Variants in KIAA1210 observed in about 807,000 individuals in gnomAD.
The protein encoded by KIAA1210 is acrosomal protein KIAA1210.
In KIAA1210, 48 loss-of-function variants were observed where a neutral mutation model predicts 78.9. That is an observed-to-expected ratio of 0.61 (90% CI 0.48 to 0.77). The LOEUF is 0.77. Ranked by LOEUF, KIAA1210 falls within the 30% of genes least tolerant of loss-of-function variation. The probability of loss-of-function intolerance (pLI) is 0.00; values close to 1 mark genes in which losing one functional copy is unlikely to be tolerated. For missense variants in KIAA1210, 1,108 were observed against 1,100.0 expected (o/e 1.01, Z -0.10); for synonymous variants, 406 against 404.5 (o/e 1.00, Z -0.04).
intron 1 of KIAA1210, among the ~76,000 whole-genome samples, chrX:119,149,067 A>T (rs961128290): frequency 9.4e-6 from 1 of 106,877 alleles, no homozygotes; most frequent in African/African-American, 3.4e-5. Context: ...AGAGTGCCCA[A>T]GGTTTACGGG....
chrX:119,120,918 C>T (rs1928435309), intron 2 of KIAA1210, among the ~76,000 whole-genome samples: 1 of 111,143 alleles, frequency 9.0e-6, no homozygotes, highest in Admixed American at 9.6e-5. Flanking sequence ...AAGCTGGATA[C>T]GGCCTTTGTG....
chrX:119,088,881 T>C lies in KIAA1210; in HGVS notation c.1821A>G (p.Ser607=), dbSNP rs773988862. 1.7e-6 allele frequency: 2 copies of C among 1,211,137 alleles called. No individual in the cohort carries two copies. The highest frequency in any genetic ancestry group is 2.2e-6 in the Non-Finnish European group (2 of 895,228). ...CATCCCCCTCCTCAGGAATATTCTC[T>C]GAATCTGAGGAGACTTCTTCAGCAT... ...KPDAEEVSSD[S]ENIPEEGDGS... is the part of the protein sequence containing the mutation. Residue 607 remains serine (S), a synonymous_variant, in exon 9 of 12, where the codon TCA becomes TCG. Transcript: ENST00000691062.
intron 2 of KIAA1210, among the ~76,000 whole-genome samples, chrX:119,119,652 C>A (rs1009379097): frequency 2.7e-5 from 3 of 111,364 alleles, no homozygotes; most frequent in Non-Finnish European, 3.8e-5. Context: ...CGAGACCAGC[C>A]TGATCAACAT....
At chrX:119,112,187 T>C (rs895405644) in intron 3 of KIAA1210, among the ~76,000 whole-genome samples, 3 of 111,972 alleles carry the variant, frequency 2.7e-5, no homozygotes, top group Non-Finnish European at 3.8e-5. Flanking sequence ...GTGAGTCAAT[T>C]AAACCTCTTT....
chrX:119,099,492 C>T (rs751960480), intron 6 of KIAA1210, among the ~76,000 whole-genome samples: 18 of 112,463 alleles, frequency 1.6e-4, no homozygotes, highest in Admixed American at 5.6e-4. Context: ...AAGAGCAAAA[C>T]GATCAAGCAT....
At chrX:119,136,486 G>A (rs752037554) in intron 2 of KIAA1210, among the ~76,000 whole-genome samples, 86 of 111,308 alleles carry the variant, frequency 7.7e-4, no homozygotes, top group Non-Finnish European at 1.5e-3. Context: ...GCATAAGGAG[G>A]GGTGATGCTG....
In KIAA1210 at chrX:119,116,656, T is replaced by G. The variant is rs1357859073; in HGVS notation, c.70A>C (p.Lys24Gln). The G allele has an allele frequency of 1.7e-6, 2 of 1,199,822 alleles. No homozygotes were observed. Among genetic ancestry groups the G allele is most frequent in the South Asian group, 3.6e-5 (2 of 55,112 alleles). ...VLEAGDEGKK[K>Q]CKFKALKSFF... ...CTCTTAAGGGCTTTAAATTTGCATT[T>G]CTTCTTTCCTGGAAGTGAAAAATGA... The change falls in exon 3 of 12, where the codon AAA becomes CAA. Residue 24 changes from lysine to glutamine, a missense_variant. This residue lies in a region of KIAA1210 where 672 missense variants were observed against 607.1 expected (regional missense o/e 1.11). Coordinates refer to ENST00000691062, the MANE Select transcript of KIAA1210 (RefSeq NM_001394962.1).
chrX:119,090,404 T>A (rs1569313545), intron 8 of KIAA1210, among the ~76,000 whole-genome samples: 1 of 110,834 alleles, frequency 9.0e-6, no homozygotes, highest in Non-Finnish European at 1.9e-5. Context: ...CCTGAGTAGC[T>A]GGGATTACAG....
Position 119,086,203 on chromosome X carries a change from T to C in KIAA1210, c.4156+343A>G, listed in dbSNP as rs747682720. On this transcript the variant is annotated intron_variant, in intron 9 of 11. Transcript: ENST00000691062. The stretch of plus-strand genomic sequence containing the variant: ...CACATGGTGTTAGGGAGGGGCTTAA[T>C]ACATGTAAAAGTATTTTGAGAAAAG... Among the ~76,000 whole-genome samples, 5 of 112,081 alleles carry C rather than the reference T, an allele frequency of 4.5e-5. No homozygotes were observed. In the South Asian group the frequency reaches 1.9e-3, roughly 42 times the overall value.
chrX:119,123,256 A>C (rs1181683739), intron 2 of KIAA1210, among the ~76,000 whole-genome samples: 2 of 112,157 alleles, frequency 1.8e-5, no homozygotes, highest in East Asian at 5.5e-4. Context: ...TCTCTTTCTT[A>C]GATCTGAATT....
In KIAA1210 at chrX:119,096,668, TC is replaced by T; in HGVS notation, c.671del (p.Gly224AspfsTer8). ...CAGTCAAGGACTGTGAGCAATCAGG[TC>T]CAGATGATAACTCAGAGAAGCTCTG... ...ATQSFSELSS[G>X]PDCSQSLTAF... On this transcript the variant is annotated frameshift_variant, in exon 7 of 12. Coordinates refer to ENST00000691062, the MANE Select transcript of KIAA1210 (RefSeq NM_001394962.1). LOFTEE classifies it high-confidence loss of function. 1 of 1,205,345 alleles carries T rather than the reference TC, an allele frequency of 8.3e-7. No individual in the cohort carries two copies. Among genetic ancestry groups the T allele is most frequent in the Non-Finnish European group, 1.1e-6 (1 of 891,834 alleles).
chrX:119,139,981 G>A (rs181442546), intron 2 of KIAA1210, among the ~76,000 whole-genome samples: 5 of 111,574 alleles, frequency 4.5e-5, no homozygotes, highest in African/African-American at 1.6e-4. Flanking sequence ...AGGAGTAAGG[G>A]GTTGAACTAG....
intron 2 of KIAA1210, among the ~76,000 whole-genome samples, chrX:119,144,941 A>G (rs1929132863): frequency 8.9e-6 from 1 of 112,001 alleles, no homozygotes; most frequent in Admixed American, 9.4e-5. Flanking sequence ...CCACTAGACC[A>G]TAGTGCCTCT....
At chrX:119,110,183 A>T (rs1928026200) in intron 3 of KIAA1210, among the ~76,000 whole-genome samples, 1 of 112,395 alleles carries the variant, frequency 8.9e-6, no homozygotes, top group Admixed American at 9.4e-5. Flanking sequence ...ACAAAGTAGG[A>T]TTTACAAGGA....
At chrX:119,119,975 C>CAAAAA (rs11342308) in intron 2 of KIAA1210, among the ~76,000 whole-genome samples, 4 of 35,737 alleles carry the variant, frequency 1.1e-4, no homozygotes, top group African/African-American at 1.6e-4. Context: ...GACTCCATCT[C>CAAAAA]AAAAAAAAAA....
At chrX:119,138,469 T>TCC (rs1928973987) in intron 2 of KIAA1210, among the ~76,000 whole-genome samples, 2 of 111,181 alleles carry the variant, frequency 1.8e-5, no homozygotes, top group South Asian at 7.6e-4. Flanking sequence ...TCTGTCCGCC[T>TCC]TGGCCTCCAA....
At position 119,093,791 on chromosome X, in the gene KIAA1210, A is replaced by G; in HGVS notation, c.847-16T>C. On this transcript the variant is annotated splice_polypyrimidine_tract_variant and intron_variant, in intron 7 of 11. Coordinates refer to ENST00000691062, the MANE Select transcript of KIAA1210 (RefSeq NM_001394962.1). ...TTGGTTCCACCTGAAACAGGAAAAG[A>G]AAGAGCTTGAATCCTACTGAAGTGC... 8.6e-7 allele frequency: 1 copy of G among 1,161,025 alleles called. No homozygotes were observed. The highest frequency in any genetic ancestry group is 1.2e-6 in the Non-Finnish European group (1 of 855,495).
At chrX:119,135,996 T>G (rs1928904236) in intron 2 of KIAA1210, among the ~76,000 whole-genome samples, 1 of 110,463 alleles carries the variant, frequency 9.1e-6, no homozygotes, top group Non-Finnish European at 1.9e-5. Context: ...GAGGTTGCAA[T>G]GAGCCGAGAT....
intron 2 of KIAA1210, among the ~76,000 whole-genome samples, 172 bp downstream of exon 2, chrX:119,123,410 G>A (rs1227219115): frequency 8.9e-6 from 1 of 112,092 alleles, no homozygotes; most frequent in Non-Finnish European, 1.9e-5. Flanking sequence ...GCAAATCTTT[G>A]ACTATCAGAG....
Sources: allele counts gnomAD v4.1 joint callset (sites outside exome capture counted in the v4.1 genomes callset), GRCh38; gene constraint gnomAD v4.1.1; regional missense constraint gnomAD v4.1.1; transcripts MANE v1.5; gene names NCBI Gene and HGNC (gene_info 2026-07-23, HGNC 2026-07-21).